The following PCDH15 variants were observed in gnomAD, a reference collection of about 807,000 sequenced individuals.
The protein encoded by PCDH15 is protocadherin related 15.
Under a neutral mutation model 178.5 loss-of-function variants are expected in PCDH15, and 129 were observed. The observed-to-expected ratio is 0.72, with a 90% CI of 0.63 to 0.84. PCDH15 has a LOEUF of 0.84. Ranked by LOEUF, PCDH15 falls within the 40% of genes least tolerant of loss-of-function variation. The probability of loss-of-function intolerance (pLI) is 0.00; values close to 1 mark genes in which losing one functional copy is unlikely to be tolerated. For missense variants in PCDH15, 2,230 were observed against 2,099.9 expected (o/e 1.06, Z -1.21); for synonymous variants, 800 against 732.0 (o/e 1.09, Z -1.50).
intron 2 of PCDH15, among the ~76,000 whole-genome samples, chr10:55,413,176 C>T (rs1363804092): frequency 1.3e-5 from 2 of 151,386 alleles, no homozygotes; most frequent in African/African-American, 4.8e-5. Context: ...ATATAAATGC[C>T]TTCTACCAAT....
intron 1 of PCDH15, among the ~76,000 whole-genome samples, chr10:54,700,059 G>A (rs151266005): frequency 2.0e-5 from 3 of 152,158 alleles, no homozygotes; most frequent in Non-Finnish European, 2.9e-5. Flanking sequence ...TAGGGGCCTG[G>A]CATTAGCCCC....
chr10:54,364,211 A>G (rs1260160189), intron 5 of PCDH15, among the ~76,000 whole-genome samples: 2 of 12,714 alleles, frequency 1.6e-4, no homozygotes, highest in Non-Finnish European at 4.4e-4. Context: ...AAAACTCTGA[A>G]AAAAAAAAAA....
chr10:54,569,032 T>A (rs531363939), intron 2 of PCDH15, among the ~76,000 whole-genome samples: 2 of 152,058 alleles, frequency 1.3e-5, no homozygotes, highest in East Asian at 3.9e-4. Flanking sequence ...TAATTTTAAA[T>A]TATTTATTTT....
At chr10:54,099,317 GGTGAAA>G (rs1397566332) in intron 15 of PCDH15, among the ~76,000 whole-genome samples, 1 of 151,518 alleles carries the variant, frequency 6.6e-6, no homozygotes, top group Non-Finnish European at 1.5e-5. Context: ...TGGCTAACAT[GGTGAAA>G]CCCCATCTCT....
intron 3 of PCDH15, among the ~76,000 whole-genome samples, chr10:54,413,425 GA>G (rs1953859620): frequency 6.6e-6 from 1 of 152,190 alleles, no homozygotes; most frequent in East Asian, 1.9e-4. Flanking sequence ...CAATATTCAG[GA>G]AACTATATAA....
At chr10:55,409,124 A>G (rs1360267195) in intron 2 of PCDH15, among the ~76,000 whole-genome samples, 1 of 151,454 alleles carries the variant, frequency 6.6e-6, no homozygotes, top group East Asian at 1.9e-4. Context: ...CAGTGACTCC[A>G]AAATGCCTAA....
chr10:53,826,364 C>A (rs1159225120), intron 32 of PCDH15, among the ~76,000 whole-genome samples: 1 of 151,776 alleles, frequency 6.6e-6, no homozygotes, highest in Non-Finnish European at 1.5e-5. Context: ...TGGTAAGTAA[C>A]CTGAACACAT....
At chr10:55,279,916 G>A (rs1436028493) in intron 1 of PCDH15, among the ~76,000 whole-genome samples, 2 of 152,152 alleles carry the variant, frequency 1.3e-5, no homozygotes, top group Non-Finnish European at 2.9e-5. Context: ...TAGTTGGTGA[G>A]AGATGGCATT....
chr10:55,385,302 A>T (rs1292557045), intron 2 of PCDH15, among the ~76,000 whole-genome samples: 1 of 152,142 alleles, frequency 6.6e-6, no homozygotes, highest in African/African-American at 2.4e-5. Flanking sequence ...TGGAGAGGTC[A>T]CGTGGAAGGA....
Position 54,837,556 on chromosome 10 carries a change from A to C in PCDH15, c.-29+59894T>G, listed in dbSNP as rs192290851. Among the ~76,000 whole-genome samples the C allele has an allele frequency of 2.2e-3, 340 of 152,320 alleles. 2 individuals carry two copies. Among genetic ancestry groups the C allele is most frequent in the African/African-American group, 6.5e-3 (272 of 41,584 alleles). On this transcript the variant is annotated intron_variant, in intron 3 of 5. Coordinates refer to the PCDH15 transcript ENST00000458638. ...TTTTTAAAAAAATAAAGTGATTTATAAAATTGGAAAGTGGGAAAAAGTAAT... is the reference window on the plus strand; with the variant it reads ...TTTTTAAAAAAATAAAGTGATTTATCAAATTGGAAAGTGGGAAAAAGTAAT...
Position 54,028,142 on chromosome 10 carries a change from C to T in PCDH15, c.2221-4945G>A, listed in dbSNP as rs1331425542. On this transcript the variant is annotated intron_variant, in intron 18 of 37. Coordinates refer to ENST00000644397, the MANE Select transcript of PCDH15 (RefSeq NM_001384140.1). ...AGTGGGCGAAGGACATGAACAGACA[C>T]TTCTCAAAAGAAGACATTTATGCAG... is the stretch of plus-strand genomic sequence containing the variant. Among the ~76,000 whole-genome samples, 3 of 149,734 alleles carry T rather than the reference C, an allele frequency of 2.0e-5. No individual in the cohort carries two copies. In the East Asian group the frequency reaches 5.9e-4, roughly 29 times the overall value.
chr10:54,907,835 T>C (rs759443037), intron 2 of PCDH15, among the ~76,000 whole-genome samples: 1 of 152,210 alleles, frequency 6.6e-6, no homozygotes, highest in Non-Finnish European at 1.5e-5. Context: ...GAAATTTGTA[T>C]AGATACACCA....
chr10:55,407,104 C>T (rs979396821), intron 2 of PCDH15, among the ~76,000 whole-genome samples: 4 of 151,596 alleles, frequency 2.6e-5, no homozygotes, highest in Admixed American at 6.6e-5. Context: ...TGATTGGAGA[C>T]GTGTAGGAGA....
At chr10:54,578,468 G>A (rs549303167) in intron 2 of PCDH15, among the ~76,000 whole-genome samples, 1 of 152,100 alleles carries the variant, frequency 6.6e-6, no homozygotes, top group South Asian at 2.1e-4. Context: ...GCAGATTTTT[G>A]TAAGAACTCA....
chr10:55,570,608 C>T (rs552028905), intron 2 of PCDH15, among the ~76,000 whole-genome samples: 1 of 151,862 alleles, frequency 6.6e-6, no homozygotes, highest in Admixed American at 6.6e-5. Flanking sequence ...TTATATATGA[C>T]TTTTAAGAAT....
intron 2 of PCDH15, among the ~76,000 whole-genome samples, chr10:54,941,622 C>T (rs1838064917): frequency 6.6e-6 from 1 of 152,076 alleles, no homozygotes; most frequent in South Asian, 2.1e-4. Flanking sequence ...TTGTTTTTAA[C>T]ATGTGCATGA....
intron 23 of PCDH15, 61 bp downstream of exon 23, chr10:53,959,671 G>A: frequency 7.9e-7 from 1 of 1,262,074 alleles, no homozygotes; most frequent in Non-Finnish European, 1.1e-6. Flanking sequence ...AATTTTGAGA[G>A]ACTCCTTTCA....
At chr10:54,958,466 CA>C (rs1838551371) in intron 2 of PCDH15, among the ~76,000 whole-genome samples, 1 of 151,554 alleles carries the variant, frequency 6.6e-6, no homozygotes, top group South Asian at 2.1e-4. Context: ...AGATAAAACC[CA>C]AAATAATGAA....
At chr10:54,758,747 G>C (rs1232963425) in intron 1 of PCDH15, among the ~76,000 whole-genome samples, 5 of 152,064 alleles carry the variant, frequency 3.3e-5, no homozygotes, top group Admixed American at 3.3e-4. Flanking sequence ...TGAACTTTTG[G>C]GTTGTGTTTG....
Sources: gnomAD v4.1 joint callset for allele counts (sites outside exome capture counted in the v4.1 genomes callset) on GRCh38, gnomAD v4.1.1 for gene constraint, MANE v1.5 for transcripts, NCBI Gene and HGNC (gene_info 2026-07-23, HGNC 2026-07-21) for gene names.